The following SCIMP variants were observed in gnomAD, a reference collection of about 807,000 sequenced individuals.
SCIMP encodes the protein SLP adaptor and CSK interacting membrane protein, also known as SLP adapter and CSK-interacting membrane protein.
In SCIMP, 18 loss-of-function variants were observed where a neutral mutation model predicts 22.0. The ratio of observed to expected loss-of-function variants is 0.82; its 90% CI spans 0.56 to 1.21. The LOEUF is 1.21. SCIMP is among the 50% of genes most tolerant of loss of function. The pLI, the probability that SCIMP is intolerant of heterozygous loss-of-function variation, is 0.00. For synonymous variants in SCIMP, 53 were observed against 62.2 expected (o/e 0.85, Z 0.70); for missense variants, 155 against 171.2 (o/e 0.91, Z 0.53).
chr17:5,209,768 C>T lies in SCIMP; in HGVS notation c.*1033G>A, dbSNP rs1305607359. On this transcript the variant is annotated 3_prime_UTR_variant, in exon 5 of 5. Coordinates refer to ENST00000574081, the MANE Select transcript of SCIMP (RefSeq NM_207103.3). ...CCATTAGGACACTTGTTTAACAAGA[C>T]ATCTGCCCATGTCCCTGGCCCATCT... The T allele has an allele frequency of 6.6e-6, 1 of 152,238 alleles. No homozygotes were observed. The highest frequency in any genetic ancestry group is 1.9e-4 in the East Asian group (1 of 5,196). 9.4% of individuals were successfully genotyped at this position (152,238 alleles called of 1,614,324 possible). A position where few individuals can be genotyped will look rare whatever the true frequency, so the allele number is the denominator to read the frequency against.
At chr17:5,218,487 ACAC>A (rs1377437919) in intron 3 of SCIMP, among the ~76,000 whole-genome samples, 11 of 152,020 alleles carry the variant, frequency 7.2e-5, no homozygotes, top group Non-Finnish European at 1.2e-4. Flanking sequence ...TTACAGGCAC[ACAC>A]CACCATGCCC....
rs1353807349 is a variant in SCIMP, at chr17:5,215,010, G to C, written c.210-12C>G. On this transcript the variant is annotated splice_polypyrimidine_tract_variant and intron_variant, in intron 3 of 4. Coordinates refer to ENST00000574081, the MANE Select transcript of SCIMP (RefSeq NM_207103.3). ...CATTAAGAACATTCCTAGAGAGAGA[G>C]AAAGAGAGAGAATCAGTGTTTGGTT... is the stretch of plus-strand genomic sequence containing the variant. 6.4e-7 allele frequency: 1 copy of C among 1,571,764 alleles called. No individual in the cohort carries two copies.
intron 1 of SCIMP, among the ~76,000 whole-genome samples, chr17:5,231,842 C>T (rs1310177150): frequency 6.6e-6 from 1 of 152,184 alleles, no homozygotes; most frequent in Non-Finnish European, 1.5e-5. Flanking sequence ...ATCACGAGGT[C>T]AGGAGATCAA....
chr17:5,217,005 G>C (rs1425079094), intron 3 of SCIMP, among the ~76,000 whole-genome samples: 2 of 152,146 alleles, frequency 1.3e-5, no homozygotes, highest in African/African-American at 4.8e-5. Context: ...AAGTCCCCCT[G>C]AGAATGAATA....
intron 1 of SCIMP, among the ~76,000 whole-genome samples, chr17:5,232,252 G>C (rs1170978253): frequency 1.3e-5 from 2 of 151,246 alleles, no homozygotes; most frequent in African/African-American, 4.9e-5. Flanking sequence ...CCCTCTGGTG[G>C]TCCCCCGCTG....
At chr17:5,223,259 G>T (rs2074621679) in intron 2 of SCIMP, 74 bp downstream of exon 2, 1 of 1,514,218 alleles carries the variant, frequency 6.6e-7, no homozygotes. Flanking sequence ...TGATTTGCTT[G>T]CCCTAAAGGA....
chr17:5,223,448 A>G lies in SCIMP; in HGVS notation c.30T>C (p.Thr10=), dbSNP rs752897609. 2 of 1,613,674 alleles carry G rather than the reference A, an allele frequency of 1.2e-6. No homozygotes were observed. The highest frequency in any genetic ancestry group is 3.3e-5 in the Admixed American group (2 of 59,982). Residue 10 remains threonine (T), a synonymous_variant, in exon 2 of 5, where the codon ACT becomes ACC. Coordinates refer to ENST00000574081, the MANE Select transcript of SCIMP (RefSeq NM_207103.3). ...AATTATTCCTCCACCAGCTCATTGC[A>G]GTGGAATCCTGAGAAGAATGGAGAG... MDTFTVQDS[T]AMSWWRNNFW... is the part of the protein sequence containing the mutation.
At chr17:5,227,701 C>A (rs971289756) in intron 1 of SCIMP, among the ~76,000 whole-genome samples, 1 of 152,150 alleles carries the variant, frequency 6.6e-6, no homozygotes, top group Non-Finnish European at 1.5e-5. Flanking sequence ...CAGAGCAGTG[C>A]AATAGCACGC....
intron 1 of SCIMP, chr17:5,234,500 AG>A: frequency 3.5e-6 from 2 of 567,806 alleles, no homozygotes; most frequent in Non-Finnish European, 6.3e-6. Flanking sequence ...CATGAGGAAA[AG>A]GCCCAGAGAG....
intron 3 of SCIMP, among the ~76,000 whole-genome samples, chr17:5,217,406 G>A (rs200607406): frequency 1.8e-4 from 27 of 146,530 alleles, no homozygotes; most frequent in Non-Finnish European, 3.2e-4. Context: ...GTGTGTGTGT[G>A]TGTGTTTGTT....
rs556666692 is a variant in SCIMP at position 5,224,035 on chromosome 17, A to G, written c.22-579T>C. On this transcript the variant is annotated intron_variant, in intron 1 of 4. Coordinates refer to ENST00000574081, the MANE Select transcript of SCIMP (RefSeq NM_207103.3). ...GGTTTGTGAGGACTGGAGATCGAAC[A>G]TGTACCTACTGGGCCCTCTAGAAAT... 2.6e-5 allele frequency among the ~76,000 whole-genome samples: 4 copies of G among 152,364 alleles called. No homozygotes were observed. In the East Asian group the frequency reaches 7.7e-4, roughly 29 times the overall value.
intron 1 of SCIMP, chr17:5,234,517 G>C: frequency 1.7e-6 from 1 of 594,056 alleles, no homozygotes; most frequent in Non-Finnish European, 3.0e-6. Flanking sequence ...GAGAGGTGAA[G>C]TGATGCCTCA....
At chr17:5,226,700 G>A (rs2074651816) in intron 1 of SCIMP, among the ~76,000 whole-genome samples, 1 of 151,498 alleles carries the variant, frequency 6.6e-6, no homozygotes, top group Non-Finnish European at 1.5e-5. Flanking sequence ...GTAGAGATGG[G>A]GTTTCACCAT....
intron 3 of SCIMP, among the ~76,000 whole-genome samples, chr17:5,216,238 C>T (rs1402898195): frequency 6.6e-6 from 1 of 152,076 alleles, no homozygotes; most frequent in Non-Finnish European, 1.5e-5. Context: ...GGTGTACTCC[C>T]ACGGTGGAAT....
intron 1 of SCIMP, among the ~76,000 whole-genome samples, chr17:5,233,587 G>A (rs1407901518): frequency 6.6e-6 from 1 of 152,050 alleles, no homozygotes; most frequent in Admixed American, 6.6e-5. Flanking sequence ...TGGCCAGGCT[G>A]GTCTTGATCT....
At chr17:5,229,416 CAG>C (rs1354136501) in intron 1 of SCIMP, among the ~76,000 whole-genome samples, 2 of 92,978 alleles carry the variant, frequency 2.2e-5, no homozygotes, top group Non-Finnish European at 1.9e-5. Flanking sequence ...TTTTTTGAGA[CAG>C]AGTCTTGCTC....
intron 1 of SCIMP, chr17:5,233,775 T>A (rs1387151915): frequency 6.6e-6 from 1 of 151,890 alleles, no homozygotes; most frequent in African/African-American, 2.4e-5. Flanking sequence ...GCAGTGGGAG[T>A]GGATATGGCA....
intron 1 of SCIMP, among the ~76,000 whole-genome samples, chr17:5,234,264 T>C (rs1383340048): frequency 6.6e-6 from 1 of 151,770 alleles, no homozygotes; most frequent in African/African-American, 2.4e-5. Context: ...AGAGCGAAAC[T>C]CCATCTCAAA....
rs2074520931 is a variant in SCIMP at position 5,210,837 on chromosome 17, A to T, written c.402T>A (p.Val134=). The T allele has an allele frequency of 6.2e-7, 1 of 1,611,242 alleles. No individual in the cohort carries two copies. The highest frequency in any genetic ancestry group is 1.3e-5 in the African/African-American group (1 of 74,788). The part of the protein sequence containing the change: ...YIEPEDDYDD[V]EIPANTEKAS... Reference sequence around the variant, plus strand: ...CTTTTTCAGTATTTGCAGGGATTTCAACATCGTCATAGTCATCTTCAGGCT... The same window carrying T: ...CTTTTTCAGTATTTGCAGGGATTTCTACATCGTCATAGTCATCTTCAGGCT... The change falls in exon 5 of 5, where the codon GTT becomes GTA. Residue 134 remains valine, a synonymous_variant. Transcript: ENST00000574081.
Sources: gnomAD v4.1 joint callset for allele counts (sites outside exome capture counted in the v4.1 genomes callset) on GRCh38, gnomAD v4.1.1 for gene constraint, MANE v1.5 for transcripts, NCBI Gene and HGNC (gene_info 2026-07-23, HGNC 2026-07-21) for gene names.